DLG2: variants seen among roughly 807,000 people sequenced by gnomAD.
DLG2 encodes discs large MAGUK scaffold protein 2.
DLG2 carries 45 observed loss-of-function variants against 132.5 expected under a neutral mutation model. That is an observed-to-expected ratio of 0.34 (90% confidence interval 0.27 to 0.44). DLG2 has a LOEUF of 0.44. Among genes scored for constraint, DLG2 ranks in the 20% least tolerant of loss-of-function variants. DLG2 has a pLI of 1.00. For missense variants in DLG2, 1,045 were observed against 1,196.9 expected (o/e 0.87, Z 1.87); for synonymous variants, 424 against 419.6 (o/e 1.01, Z -0.13).
intron 3 of DLG2, among the ~76,000 whole-genome samples, chr11:85,561,963 T>C (rs1272499138): frequency 3.3e-5 from 5 of 151,806 alleles, no homozygotes; most frequent in Admixed American, 6.6e-5. Context: ...CTCAGAGAGA[T>C]AGAGTAAAGG....
intron 3 of DLG2, among the ~76,000 whole-genome samples, chr11:85,495,055 A>G (rs2093640596): frequency 6.6e-6 from 1 of 152,212 alleles, no homozygotes; most frequent in Admixed American, 6.5e-5. Flanking sequence ...ATATTTTACA[A>G]AAATAATATA....
intron 3 of DLG2, among the ~76,000 whole-genome samples, chr11:85,419,946 C>A (rs1193657027): frequency 6.6e-6 from 1 of 152,076 alleles, no homozygotes; most frequent in African/African-American, 2.4e-5. Flanking sequence ...ATATTTCAAA[C>A]TCATTCCCCA....
intron 6 of DLG2, among the ~76,000 whole-genome samples, chr11:84,966,586 C>T (rs889031909): frequency 3.9e-5 from 6 of 151,940 alleles, no homozygotes; most frequent in African/African-American, 7.3e-5. Context: ...TGGCATGTGA[C>T]GAGGAAAGAC....
chr11:84,392,668 A>G (rs1428584474), intron 7 of DLG2, among the ~76,000 whole-genome samples: 1 of 152,204 alleles, frequency 6.6e-6, no homozygotes. Context: ...TCCATTGGGT[A>G]GATTCTATTA....
chr11:85,167,376 G>A (rs562366330), intron 4 of DLG2, among the ~76,000 whole-genome samples: 3 of 152,232 alleles, frequency 2.0e-5, no homozygotes, highest in African/African-American at 4.8e-5. Flanking sequence ...AGAGGTATGA[G>A]GTGAGGAGGA....
In DLG2 at chr11:84,248,759, C is replaced by T. The variant is rs559409638; in HGVS notation, c.573+2479G>A. Among the ~76,000 whole-genome samples, 10 of 152,118 alleles carry T rather than the reference C, an allele frequency of 6.6e-5. No homozygotes were observed. The South Asian group carries it at 1.5e-3, about 22-fold the overall frequency. On this transcript the variant is annotated intron_variant, in intron 8 of 27. Coordinates refer to ENST00000376104, the MANE Select transcript of DLG2 (RefSeq NM_001142699.3). The stretch of plus-strand genomic sequence containing the variant: ...GTGCACTCCTGTAGTCCCAGCTACT[C>T]GGGAGGCTGAGGCAAGAGAGTCACT...
Position 84,991,936 on chromosome 11 carries a change from G to T in DLG2, c.357+119725C>A, listed in dbSNP as rs530746222. ...TAACTTGATATGCAAATTCTTTTTG[G>T]TCTAAATTTATCTCTCCAGCCTAAT... On this transcript the variant is annotated intron_variant, in intron 6 of 27. Transcript: ENST00000376104. Among the ~76,000 whole-genome samples the T allele has an allele frequency of 2.2e-4, 34 of 152,134 alleles. No homozygotes were observed. The South Asian group carries it at 6.0e-3, about 27-fold the overall frequency.
intron 16 of DLG2, among the ~76,000 whole-genome samples, chr11:83,856,010 C>T (rs150341752): frequency 1.7e-3 from 255 of 152,270 alleles, no homozygotes; most frequent in Middle Eastern, 3.4e-3. Context: ...CTGTCAGGCC[C>T]CAGTGTGTGT....
intron 7 of DLG2, among the ~76,000 whole-genome samples, chr11:84,288,678 A>C (rs79854165): frequency 0.036 from 5,444 of 152,074 alleles, 183 homozygotes; most frequent in African/African-American, 0.084. Flanking sequence ...CAACAGAAAA[A>C]CCCCTAAATG....
At chr11:83,987,555 T>C (rs2093417485) in intron 11 of DLG2, among the ~76,000 whole-genome samples, 1 of 152,120 alleles carries the variant, frequency 6.6e-6, no homozygotes, top group South Asian at 2.1e-4. Flanking sequence ...TATCTACAAC[T>C]ATCTGATCTT....
chr11:83,529,009 A>C (rs997700319), intron 21 of DLG2, among the ~76,000 whole-genome samples: 20 of 152,106 alleles, frequency 1.3e-4, no homozygotes, highest in Admixed American at 9.2e-4. Flanking sequence ...CATACTACTA[A>C]TAAGGCTCTT....
intron 7 of DLG2, among the ~76,000 whole-genome samples, chr11:84,299,115 T>C (rs1230599714): frequency 6.6e-6 from 1 of 152,002 alleles, no homozygotes; most frequent in South Asian, 2.1e-4. Flanking sequence ...CTTTGAAAAA[T>C]CCTAGGATAA....
At chr11:85,522,761 T>G (rs1273452601) in intron 3 of DLG2, among the ~76,000 whole-genome samples, 1 of 152,234 alleles carries the variant, frequency 6.6e-6, no homozygotes, top group Non-Finnish European at 1.5e-5. Flanking sequence ...CCCTTTGTTT[T>G]GGCCAATTTT....
At chr11:83,524,487 T>C (rs1211963527) in intron 21 of DLG2, among the ~76,000 whole-genome samples, 6 of 152,154 alleles carry the variant, frequency 3.9e-5, no homozygotes, top group Admixed American at 6.6e-5. Context: ...TCTATGGTCC[T>C]GGGTCAGGTC....
At chr11:84,904,687 T>C (rs2091301158) in intron 6 of DLG2, among the ~76,000 whole-genome samples, 1 of 152,154 alleles carries the variant, frequency 6.6e-6, no homozygotes, top group Non-Finnish European at 1.5e-5. Context: ...TCTTAAATGG[T>C]CATTGTGAAG....
rs1476526819 is a variant in DLG2, at chr11:84,944,761, T to C, written c.357+166900A>G. Reference sequence around the variant, plus strand: ...CTGGGACTACAGGCATGTGCCACCATGCCCGGCTAATTTTTTGTATTTTTG... The same window carrying C: ...CTGGGACTACAGGCATGTGCCACCACGCCCGGCTAATTTTTTGTATTTTTG... On this transcript the variant is annotated intron_variant, in intron 6 of 27. Transcript: ENST00000376104. Among the ~76,000 whole-genome samples, 3 of 151,942 alleles carry C rather than the reference T, an allele frequency of 2.0e-5. No homozygotes were observed. In the East Asian group the frequency reaches 5.8e-4, roughly 30 times the overall value.
At chr11:84,457,728 T>G (rs1185130867) in intron 7 of DLG2, among the ~76,000 whole-genome samples, 1 of 150,928 alleles carries the variant, frequency 6.6e-6, no homozygotes, top group East Asian at 1.9e-4. Context: ...TCTCTCACGT[T>G]TTTTCAAACG....
At chr11:85,032,181 T>C (rs772798546) in intron 6 of DLG2, among the ~76,000 whole-genome samples, 44 of 152,148 alleles carry the variant, frequency 2.9e-4, no homozygotes, top group Non-Finnish European at 1.3e-4. Flanking sequence ...GAGCTTTTCA[T>C]ACCATATTTA....
At chr11:85,397,849 G>A (rs1436184034) in intron 3 of DLG2, among the ~76,000 whole-genome samples, 2 of 152,112 alleles carry the variant, frequency 1.3e-5, no homozygotes, top group African/African-American at 4.8e-5. Context: ...ACACCCCACT[G>A]TCAATAACAG....
Sources: allele counts gnomAD v4.1 joint callset (sites outside exome capture counted in the v4.1 genomes callset), GRCh38; gene constraint gnomAD v4.1.1; transcripts MANE v1.5; gene names NCBI Gene and HGNC (gene_info 2026-07-23, HGNC 2026-07-21).